The following IREB2 variants were observed in gnomAD, a reference collection of about 807,000 sequenced individuals.
IREB2 encodes the protein iron-responsive element-binding protein 2.
In IREB2, 39 loss-of-function variants were observed where a neutral mutation model predicts 118.8. That is an observed-to-expected ratio of 0.33 (90% CI 0.25 to 0.43). IREB2 has a LOEUF of 0.43. IREB2 is among the 20% of genes least tolerant of loss of function. IREB2 has a pLI of 1.00. For synonymous variants in IREB2, 372 were observed against 392.2 expected, an observed-to-expected ratio of 0.95 and a Z score of 0.61; for missense variants, 900 against 1,147.3, an observed-to-expected ratio of 0.78 and a Z score of 3.11.
chr15:78,474,237 T>G (rs893317754), intron 8 of IREB2: 4 of 152,248 alleles, frequency 2.6e-5, no homozygotes, highest in African/African-American at 9.6e-5. Flanking sequence ...AATTCCAATT[T>G]GAGTCCCAAT....
intron 2 of IREB2, among the ~76,000 whole-genome samples, chr15:78,450,801 G>A (rs925674712): frequency 6.6e-6 from 1 of 151,094 alleles, no homozygotes; most frequent in African/African-American, 2.4e-5. Context: ...TAAGTTGAGA[G>A]GGCTGTGGTG....
In IREB2 at chr15:78,490,864, C is replaced by T. The variant is rs113977184; in HGVS notation, c.2324+103C>T. 3.2e-5 allele frequency: 34 copies of T among 1,071,442 alleles called. No homozygotes were observed. The African/African-American group carries it at 3.7e-4, about 12-fold the overall frequency. 66.4% of individuals were successfully genotyped at this position (1,071,442 alleles called of 1,614,324 possible). On this transcript the variant is annotated intron_variant, in intron 18 of 21. Coordinates refer to ENST00000258886, the MANE Select transcript of IREB2 (RefSeq NM_004136.4). The stretch of plus-strand genomic sequence containing the variant: ...CTTTTTTCCAGTAAATACATGCTAT[C>T]GTAGGTAATCTGACTGCCAATGTGT...
At chr15:78,460,336 A>G (rs1010821962) in intron 2 of IREB2, among the ~76,000 whole-genome samples, 1 of 152,106 alleles carries the variant, frequency 6.6e-6, no homozygotes, top group Non-Finnish European at 1.5e-5. Flanking sequence ...TTAACTATTG[A>G]TTTTCCCCCT....
intron 2 of IREB2, among the ~76,000 whole-genome samples, chr15:78,452,212 A>G (rs1233063507): frequency 6.6e-6 from 1 of 152,174 alleles, no homozygotes; most frequent in Non-Finnish European, 1.5e-5. Flanking sequence ...ATGTTTTGGC[A>G]TAAACATCTG....
chr15:78,446,800 C>T (rs2050936689), intron 2 of IREB2, among the ~76,000 whole-genome samples: 1 of 151,812 alleles, frequency 6.6e-6, no homozygotes, highest in African/African-American at 2.4e-5. Context: ...AAGGAGGCCA[C>T]AGGCCACCGA....
In IREB2 at chr15:78,493,917, C is replaced by A. The variant is rs1431773416; in HGVS notation, c.2333C>A (p.Pro778His). Residue 778 changes from proline to histidine, a missense_variant, in exon 19 of 22, where the codon CCT becomes CAT. Physicochemically the swap from Pro to His is moderately conservative, Grantham distance 77. Coordinates refer to ENST00000258886, the MANE Select transcript of IREB2 (RefSeq NM_004136.4). ...TCATTACTTTCTTGTAGCCTTACCC[C>A]TCGTGAATTCAACTCTTACGGAGCT... The part of the protein sequence containing the change: ...AKYLTNRGLT[P>H]REFNSYGARR... 1 of 1,613,206 alleles carries A rather than the reference C, an allele frequency of 6.2e-7. No individual in the cohort carries two copies. The highest frequency in any genetic ancestry group is 8.5e-7 in the Non-Finnish European group (1 of 1,179,626).
intron 2 of IREB2, among the ~76,000 whole-genome samples, chr15:78,453,763 GATAA>G (rs1567165233): frequency 6.6e-6 from 1 of 152,154 alleles, no homozygotes; most frequent in Non-Finnish European, 1.5e-5. Context: ...TCCTCTAGAA[GATAA>G]ATAGAGATTA....
intron 15 of IREB2, 145 bp downstream of exon 15, chr15:78,488,481 T>TC: frequency 1.0e-6 from 1 of 980,562 alleles, no homozygotes. Flanking sequence ...ATTTCTGTGT[T>TC]TATGTGAAGA....
At chr15:78,454,443 A>C (rs1462115902) in intron 2 of IREB2, among the ~76,000 whole-genome samples, 5 of 152,184 alleles carry the variant, frequency 3.3e-5, no homozygotes, top group Non-Finnish European at 7.3e-5. Context: ...TTATTTTATG[A>C]TTTCATTCAT....
chr15:78,496,068 C>T (rs1489597618), intron 20 of IREB2, among the ~76,000 whole-genome samples: 2 of 152,204 alleles, frequency 1.3e-5, no homozygotes, highest in African/African-American at 4.8e-5. Context: ...GCCTCTGAAT[C>T]TCAATCCTTT....
At chr15:78,486,983 G>A (rs373304330) in intron 13 of IREB2, among the ~76,000 whole-genome samples, 1 of 152,050 alleles carries the variant, frequency 6.6e-6, no homozygotes, top group African/African-American at 2.4e-5. Flanking sequence ...TTATATTTTC[G>A]GTGTGTATTT....
chr15:78,445,749 A>G (rs1271782425), intron 2 of IREB2, among the ~76,000 whole-genome samples: 1 of 152,008 alleles, frequency 6.6e-6, no homozygotes, highest in African/African-American at 2.4e-5. Context: ...ACCGGTTAAG[A>G]GTGTACCTCT....
At chr15:78,452,086 G>A (rs2051035575) in intron 2 of IREB2, among the ~76,000 whole-genome samples, 1 of 152,186 alleles carries the variant, frequency 6.6e-6, no homozygotes, top group Non-Finnish European at 1.5e-5. Flanking sequence ...AGGGTTGGGG[G>A]ACCACCTAGG....
At chr15:78,469,445 T>G (rs893845575) in intron 5 of IREB2, among the ~76,000 whole-genome samples, 1 of 150,262 alleles carries the variant, frequency 6.7e-6, no homozygotes, top group Non-Finnish European at 1.5e-5. Flanking sequence ...GTTGTCCGAG[T>G]GTGGTGGCTC....
At chr15:78,465,055 T>C (rs976194474) in intron 3 of IREB2, among the ~76,000 whole-genome samples, 196 bp from the exon 4 acceptor site, 1 of 152,250 alleles carries the variant, frequency 6.6e-6, no homozygotes, top group Non-Finnish European at 1.5e-5. Flanking sequence ...TTTGCCCAAG[T>C]ACTTCAGTTC....
intron 2 of IREB2, among the ~76,000 whole-genome samples, chr15:78,458,528 A>G (rs1174737325): frequency 6.6e-6 from 1 of 151,570 alleles, no homozygotes; most frequent in Non-Finnish European, 1.5e-5. Flanking sequence ...CTCCAGCCTC[A>G]CCTCCCAAAG....
Position 78,470,620 on chromosome 15 carries a change from A to T in IREB2, c.699+19A>T. On this transcript the variant is annotated intron_variant, in intron 6 of 21. Transcript: ENST00000258886. The stretch of plus-strand genomic sequence containing the variant: ...TTTTAAGGTATAAATGATTCAGGGA[A>T]ATTTTTGTATTGTAATATATAAACT... 3 of 1,431,552 alleles carry T rather than the reference A, an allele frequency of 2.1e-6. No homozygotes were observed. The highest frequency in any genetic ancestry group is 2.9e-6 in the Non-Finnish European group (3 of 1,031,804). The allele number at this position is 1,431,552 out of a possible 1,614,324, so 88.7% of individuals were successfully genotyped here. A position where few individuals can be genotyped will look rare whatever the true frequency, so the allele number is the denominator to read the frequency against.
chr15:78,494,291 T>G, intron 20 of IREB2, 27 bp downstream of exon 20: 1 of 1,602,896 alleles, frequency 6.2e-7, no homozygotes, highest in Non-Finnish European at 8.5e-7. Flanking sequence ...TTTATCATCT[T>G]AAGCTTCAAA....
At chr15:78,494,346 T>G in intron 20 of IREB2, 82 bp downstream of exon 20, 1 of 1,395,078 alleles carries the variant, frequency 7.2e-7, no homozygotes, top group South Asian at 1.3e-5. Context: ...TGTCAAAGTT[T>G]ATCTGGATTT....
Sources: allele counts gnomAD v4.1 joint callset (sites outside exome capture counted in the v4.1 genomes callset), GRCh38; gene constraint gnomAD v4.1.1; transcripts MANE v1.5; gene names NCBI Gene and HGNC (gene_info 2026-07-23, HGNC 2026-07-21).